XKR9: variants seen among roughly 807,000 people sequenced by gnomAD.
XKR9 encodes XK related 9.
A neutral mutation model predicts 32.0 loss-of-function variants in XKR9; 32 were observed. That is an observed-to-expected ratio of 1.00 (90% CI 0.76 to 1.34). The LOEUF (loss-of-function observed/expected upper bound fraction) is 1.34. Among genes scored for constraint, XKR9 ranks in the 40% most tolerant of loss-of-function variants. The pLI is 0.00. For synonymous variants in XKR9, 168 were observed against 143.4 expected (o/e 1.17, Z -1.22); for missense variants, 546 against 429.7 (o/e 1.27, Z -2.39).
chr8:70,894,058 G>C, the XKR9 span, among the ~76,000 whole-genome samples: 3 of 152,014 alleles, frequency 2.0e-5, no homozygotes, highest in South Asian at 4.2e-4. Context: ...GCACTTGCCT[G>C]ATTCTGAGGA....
chr8:70,774,360 C>G (rs139434008), intron 2 of XKR9, among the ~76,000 whole-genome samples: 79 of 152,114 alleles, frequency 5.2e-4, no homozygotes, highest in Non-Finnish European at 1.3e-4. Flanking sequence ...GTCTTGGACT[C>G]CTGGGTTCAA....
the XKR9 span, among the ~76,000 whole-genome samples, chr8:71,051,986 A>G: frequency 6.6e-6 from 1 of 152,240 alleles, no homozygotes; most frequent in Admixed American, 6.5e-5. Flanking sequence ...TTCAGGCACC[A>G]GGAGCAAAGC....
At chr8:70,820,910 C>T in the XKR9 span, among the ~76,000 whole-genome samples, 2 of 152,118 alleles carry the variant, frequency 1.3e-5, no homozygotes, top group Non-Finnish European at 2.9e-5. Context: ...CATCATTTTG[C>T]CTCTCTTCCC....
intron 1 of XKR9, among the ~76,000 whole-genome samples, chr8:70,673,696 C>A (rs923356534): frequency 6.6e-6 from 1 of 151,300 alleles, no homozygotes; most frequent in African/African-American, 2.4e-5. Flanking sequence ...ACCCAGGAGG[C>A]GGAGGTTGCA....
intron 2 of XKR9, among the ~76,000 whole-genome samples, chr8:70,742,826 G>A (rs909534543): frequency 6.6e-6 from 1 of 152,010 alleles, no homozygotes; most frequent in African/African-American, 2.4e-5. Flanking sequence ...CTATTCTTGA[G>A]ATTTTTACCT....
At chr8:70,999,482 GAAAAGT>G in the XKR9 span, among the ~76,000 whole-genome samples, 6 of 152,244 alleles carry the variant, frequency 3.9e-5, no homozygotes, top group Non-Finnish European at 7.4e-5. Flanking sequence ...TGAGCCTAGA[GAAAAGT>G]AAAATGCCAG....
At chr8:70,784,371 G>C (rs191663549) in intron 2 of XKR9, among the ~76,000 whole-genome samples, 2 of 151,754 alleles carry the variant, frequency 1.3e-5, no homozygotes, top group Middle Eastern at 3.4e-3. Context: ...TGTCTTCTTT[G>C]ATTTCTTTCA....
chr8:71,057,383 G>A, the XKR9 span, among the ~76,000 whole-genome samples: 1 of 152,116 alleles, frequency 6.6e-6, no homozygotes, highest in Non-Finnish European at 1.5e-5. Context: ...TGCCCAAGAA[G>A]CATTGTATTT....
At chr8:71,057,913 G>C in the XKR9 span, among the ~76,000 whole-genome samples, 1 of 152,122 alleles carries the variant, frequency 6.6e-6, no homozygotes, top group Non-Finnish European at 1.5e-5. Flanking sequence ...GGCCATGCGC[G>C]GTGGCTTATG....
chr8:70,686,863 C>T (rs1272632548), intron 3 of XKR9, among the ~76,000 whole-genome samples: 1 of 151,670 alleles, frequency 6.6e-6, no homozygotes, highest in Non-Finnish European at 1.5e-5. Context: ...TTATGGAGTA[C>T]ATGTAATGTT....
intron 2 of XKR9, among the ~76,000 whole-genome samples, chr8:70,770,842 T>G (rs756692317): frequency 2.6e-5 from 4 of 152,200 alleles, no homozygotes; most frequent in Non-Finnish European, 4.4e-5. Context: ...TCTTAACTTG[T>G]TGGGATCTGT....
chr8:71,062,870 T>C, the XKR9 span, among the ~76,000 whole-genome samples: 1 of 152,292 alleles, frequency 6.6e-6, no homozygotes, highest in East Asian at 1.9e-4. Flanking sequence ...GTTTCAACAT[T>C]TTCTAAAATT....
chr8:70,751,904 C>G (rs75504288), intron 2 of XKR9, among the ~76,000 whole-genome samples: 2,723 of 152,298 alleles, frequency 0.018, 75 homozygotes, highest in African/African-American at 0.063. Flanking sequence ...TGGGACTTCT[C>G]AGCTTCCATA....
At chr8:71,018,830 G>A in the XKR9 span, among the ~76,000 whole-genome samples, 1 of 152,216 alleles carries the variant, frequency 6.6e-6, no homozygotes, top group Non-Finnish European at 1.5e-5. Context: ...AATTTAGGTT[G>A]TAAAAGTTAA....
chr8:70,875,432 T>C, the XKR9 span, among the ~76,000 whole-genome samples: 1 of 152,200 alleles, frequency 6.6e-6, no homozygotes, highest in African/African-American at 2.4e-5. Context: ...ATATTTTGTG[T>C]TCTCTTCACA....
chr8:70,974,416 C>T, the XKR9 span, among the ~76,000 whole-genome samples: 13 of 152,054 alleles, frequency 8.5e-5, no homozygotes, highest in South Asian at 2.1e-4. Context: ...TGACAGGCCC[C>T]GGTGTTTGCT....
At chr8:70,938,321 G>A in the XKR9 span, among the ~76,000 whole-genome samples, 1 of 151,886 alleles carries the variant, frequency 6.6e-6, no homozygotes, top group African/African-American at 2.4e-5. Context: ...TCGAGAAGAG[G>A]TTGGTCCTGC....
the XKR9 span, among the ~76,000 whole-genome samples, chr8:70,909,984 A>C: frequency 0.063 from 9,563 of 152,056 alleles, 421 homozygotes; most frequent in Non-Finnish European, 0.089. Context: ...CTGGGATTAC[A>C]GGCATGAGGC....
intron 2 of XKR9, among the ~76,000 whole-genome samples, chr8:70,753,501 T>A (rs28845512): frequency 1.4e-3 from 219 of 152,264 alleles, no homozygotes; most frequent in African/African-American, 4.9e-3. Flanking sequence ...ATGAACATTG[T>A]TGCAAAAGTC....
Sources: allele counts gnomAD v4.1 joint callset (sites outside exome capture counted in the v4.1 genomes callset), GRCh38; gene constraint gnomAD v4.1.1; transcripts MANE v1.5; gene names NCBI Gene and HGNC (gene_info 2026-07-23, HGNC 2026-07-21).